Variants in PFKFB3 observed in about 807,000 individuals in gnomAD.
The protein encoded by PFKFB3 is 6-phosphofructo-2-kinase/fructose-2,6-biphosphatase 3.
Under a neutral mutation model 68.0 loss-of-function variants are expected in PFKFB3, and 33 were observed. That is an observed-to-expected ratio of 0.49 (90% CI 0.37 to 0.65). The LOEUF (loss-of-function observed/expected upper bound fraction) is 0.65, where lower values mean the gene tolerates loss of function less well. Ranked by LOEUF, PFKFB3 falls within the 30% of genes least tolerant of loss-of-function variation. PFKFB3 has a pLI of 0.00. For missense variants in PFKFB3, 586 were observed against 712.2 expected (o/e 0.82, Z 2.02); for synonymous variants, 315 against 288.2 (o/e 1.09, Z -0.94).
At chr10:6,158,792 A>C (rs1229745639) in intron 1 of PFKFB3, among the ~76,000 whole-genome samples, 1 of 151,760 alleles carries the variant, frequency 6.6e-6, no homozygotes, top group Non-Finnish European at 1.5e-5. Context: ...GCTTGAACCT[A>C]AGAGGCGGAG....
chr10:6,318,407 T>A, the PFKFB3 span, among the ~76,000 whole-genome samples: 1 of 152,202 alleles, frequency 6.6e-6, no homozygotes, highest in Non-Finnish European at 1.5e-5. Context: ...GATTGGCTGA[T>A]GATTTTATCC....
the PFKFB3 span, among the ~76,000 whole-genome samples, chr10:6,278,917 A>G: frequency 6.6e-6 from 1 of 152,190 alleles, no homozygotes; most frequent in Non-Finnish European, 1.5e-5. Flanking sequence ...TCTCCCTGAG[A>G]GGTCCCATGC....
intron 1 of PFKFB3, among the ~76,000 whole-genome samples, chr10:6,171,400 CTT>C (rs76434176): frequency 2.6e-4 from 37 of 141,498 alleles, no homozygotes; most frequent in East Asian, 2.0e-4. Context: ...TTCTTTCTTT[CTT>C]TTTTTTTTTT....
Position 6,224,658 on chromosome 10 carries a change from T to C in PFKFB3, c.1341+445T>C, listed in dbSNP as rs1431186501. 3 of 336,906 alleles carry C rather than the reference T, an allele frequency of 8.9e-6. No individual in the cohort carries two copies. The East Asian group carries it at 2.6e-4, about 29-fold the overall frequency. 20.9% of individuals were successfully genotyped at this position (336,906 alleles called of 1,614,324 possible). ...ACCATGCCCAGCTAATTTTAATTTA[T>C]TCATTTTTTTAGATAATGGGGTCTC... On this transcript the variant is annotated intron_variant, in intron 13 of 14. Coordinates refer to ENST00000379775, the MANE Select transcript of PFKFB3 (RefSeq NM_004566.4).
At chr10:6,300,805 T>C in the PFKFB3 span, among the ~76,000 whole-genome samples, 1 of 152,182 alleles carries the variant, frequency 6.6e-6, no homozygotes, top group African/African-American at 2.4e-5. Flanking sequence ...CTTCCTGGGT[T>C]TGAGTTCTGG....
chr10:6,195,175 G>A (rs1333947138), intron 1 of PFKFB3, among the ~76,000 whole-genome samples: 1 of 152,116 alleles, frequency 6.6e-6, no homozygotes, highest in East Asian at 1.9e-4. Flanking sequence ...CTCGCCTCCT[G>A]TTCCTTTTTC....
chr10:6,179,334 G>A (rs188906783), intron 1 of PFKFB3, among the ~76,000 whole-genome samples: 10 of 152,346 alleles, frequency 6.6e-5, no homozygotes, highest in Non-Finnish European at 1.0e-4. Flanking sequence ...ACTCATCTGC[G>A]CTGCGCTGCT....
At chr10:6,301,868 TGA>T in the PFKFB3 span, among the ~76,000 whole-genome samples, 1 of 152,210 alleles carries the variant, frequency 6.6e-6, no homozygotes, top group African/African-American at 2.4e-5. Context: ...AGAACTGGGC[TGA>T]GAGTCACATG....
At chr10:6,296,988 A>C in the PFKFB3 span, among the ~76,000 whole-genome samples, 1 of 152,204 alleles carries the variant, frequency 6.6e-6, no homozygotes, top group Non-Finnish European at 1.5e-5. Context: ...ACAGGAACCC[A>C]AGGTAAAGGG....
At chr10:6,249,069 G>T (rs1388032909) in intron 14 of PFKFB3, among the ~76,000 whole-genome samples, 1 of 151,938 alleles carries the variant, frequency 6.6e-6, no homozygotes. Flanking sequence ...AGCTACTCAG[G>T]AGGCTGAGGC....
Position 6,215,146 on chromosome 10 carries a change from G to A in PFKFB3, c.203-75G>A, listed in dbSNP as rs112471076. On this transcript the variant is annotated intron_variant, in intron 2 of 14. Transcript: ENST00000379775. The surrounding 1 kb of genome is among the most constrained non-coding windows in gnomAD (Gnocchi z 4.3). ...TGGCCTGGTGGCTCTTCCTTTGGTC[G>A]ATCCTATGGTCCCGGTGTGAGCTGG... 4.9e-5 allele frequency: 63 copies of A among 1,295,522 alleles called. No homozygotes were observed. The highest frequency in any genetic ancestry group is 4.5e-4 in the African/African-American group (31 of 68,680). The allele number at this position is 1,295,522 out of a possible 1,614,324, so 80.3% of individuals were successfully genotyped here. A position where few individuals can be genotyped will look rare whatever the true frequency, so the allele number is the denominator to read the frequency against.
intron 9 of PFKFB3, 53 bp from the exon 10 acceptor site, chr10:6,221,588 G>T: frequency 6.2e-7 from 1 of 1,611,132 alleles, no homozygotes; most frequent in East Asian, 2.2e-5. Context: ...TTCCCAAGAG[G>T]CCCTAGACAC....
intron 14 of PFKFB3, 160 bp downstream of exon 14, chr10:6,226,525 G>C (rs1008403457): frequency 4.2e-5 from 27 of 635,362 alleles, no homozygotes; most frequent in Non-Finnish European, 7.1e-5. Flanking sequence ...TGTTGTGGGG[G>C]CATGTGCACA....
rs188240188 is a variant in PFKFB3 at position 6,210,899 on chromosome 10, G to T, written c.77-2724G>T. Among the ~76,000 whole-genome samples, 5 of 53,620 alleles carry T rather than the reference G, an allele frequency of 9.3e-5. 2 individuals carry two copies. The highest frequency in any genetic ancestry group is 3.2e-4 in the Non-Finnish European group (5 of 15,590). The allele number at this position is 53,620 out of a possible 152,430, so 35.2% of individuals were successfully genotyped here. A position where few individuals can be genotyped will look rare whatever the true frequency, so the allele number is the denominator to read the frequency against. On this transcript the variant is annotated intron_variant, in intron 1 of 14. Transcript: ENST00000379775. ...AGTCTTGATAGTGTTTTTAATAGAC[G>T]GGGTTTCGCCGTGTTAGCCAGGATA...
chr10:6,319,443 G>C, the PFKFB3 span, among the ~76,000 whole-genome samples: 3 of 152,112 alleles, frequency 2.0e-5, no homozygotes, highest in African/African-American at 7.2e-5. Flanking sequence ...TTTATAAGTG[G>C]GAGCTAACTA....
chr10:6,288,954 G>C, the PFKFB3 span, among the ~76,000 whole-genome samples: 4 of 151,688 alleles, frequency 2.6e-5, no homozygotes, highest in Non-Finnish European at 5.9e-5. Context: ...CTGATGGCCA[G>C]TGATGGTGAG....
chr10:6,155,840 G>A (rs1384710778), intron 1 of PFKFB3, among the ~76,000 whole-genome samples: 3 of 152,152 alleles, frequency 2.0e-5, no homozygotes, highest in Admixed American at 6.6e-5. Flanking sequence ...AACCTCATTC[G>A]TGTTTGAACA....
Position 6,229,039 on chromosome 10 carries a change from C to G in PFKFB3, c.1515+2674C>G. 4.1e-6 allele frequency: 2 copies of G among 483,302 alleles called. No homozygotes were observed. Among genetic ancestry groups the G allele is most frequent in the Middle Eastern group, 6.5e-4 (2 of 3,064 alleles). The allele number at this position is 483,302 out of a possible 1,614,324, so 29.9% of individuals were successfully genotyped here. A position where few individuals can be genotyped will look rare whatever the true frequency, so the allele number is the denominator to read the frequency against. ...AGCCACATGAAGTGTCATCCCCTTGCCCCCCCAAAAACACACCCGCCCCTT... is the reference window on the plus strand; with the variant it reads ...AGCCACATGAAGTGTCATCCCCTTGGCCCCCCAAAAACACACCCGCCCCTT... On this transcript the variant is annotated intron_variant, in intron 14 of 14. Coordinates refer to ENST00000379775, the MANE Select transcript of PFKFB3 (RefSeq NM_004566.4). This position sits in a 1 kb window ranked among gnomAD's most constrained non-coding sequence, Gnocchi z 4.3.
chr10:6,249,569 A>G (rs1347322442), intron 14 of PFKFB3, among the ~76,000 whole-genome samples: 1 of 152,256 alleles, frequency 6.6e-6, no homozygotes, highest in Non-Finnish European at 1.5e-5. Context: ...ACATTTAAAT[A>G]CATTAAATAA....
Sources: allele counts gnomAD v4.1 joint callset (sites outside exome capture counted in the v4.1 genomes callset), GRCh38; gene constraint gnomAD v4.1.1; non-coding constraint Gnocchi (gnomAD v3.1); transcripts MANE v1.5; gene names NCBI Gene and HGNC (gene_info 2026-07-23, HGNC 2026-07-21).